The following PAK3 variants were observed in gnomAD, a reference collection of about 807,000 sequenced individuals.
PAK3 encodes the protein serine/threonine-protein kinase PAK 3.
Under a neutral mutation model 41.0 loss-of-function variants are expected in PAK3, and 4 were observed. The ratio of observed to expected loss-of-function variants is 0.10; its 90% CI spans 0.05 to 0.22. PAK3 has a LOEUF of 0.22. PAK3 is among the 10% of genes least tolerant of loss of function. The pLI, the probability that PAK3 is intolerant of heterozygous loss-of-function variation, is 1.00. For missense variants in PAK3, 205 were observed against 409.9 expected, an observed-to-expected ratio of 0.50 and a Z score of 4.32; for synonymous variants, 146 against 139.6, an observed-to-expected ratio of 1.05 and a Z score of -0.32.
At chrX:111,076,755 T>G (rs1485065184) in intron 1 of PAK3, among the ~76,000 whole-genome samples, 2 of 112,126 alleles carry the variant, frequency 1.8e-5, no homozygotes, top group East Asian at 5.6e-4. Flanking sequence ...TTGTTTACAA[T>G]CAAGAACAAG....
chrX:111,160,566 T>C (rs1344080838), intron 8 of PAK3, among the ~76,000 whole-genome samples: 3 of 109,158 alleles, frequency 2.7e-5, no homozygotes, highest in South Asian at 3.9e-4. Context: ...GCTGCACCCA[T>C]TAACTCATCA....
At chrX:110,965,908 C>T (rs1268643981) in intron 1 of PAK3, among the ~76,000 whole-genome samples, 5 of 111,533 alleles carry the variant, frequency 4.5e-5, no homozygotes, top group African/African-American at 3.3e-5. Flanking sequence ...ATTCGCCCAA[C>T]GTCACAAATC....
At chrX:111,099,080 C>T (rs1324040828) in intron 3 of PAK3, among the ~76,000 whole-genome samples, 1 of 111,763 alleles carries the variant, frequency 8.9e-6, no homozygotes. Context: ...GCTTCAGCCT[C>T]GGATCAAATA....
chrX:111,160,927 C>T (rs1428709295), intron 8 of PAK3, among the ~76,000 whole-genome samples: 2 of 111,557 alleles, frequency 1.8e-5, no homozygotes, highest in South Asian at 3.8e-4. Flanking sequence ...AATAAACATA[C>T]GTGTGCATGT....
chrX:111,126,175 T>C (rs2093645981), intron 5 of PAK3, among the ~76,000 whole-genome samples: 1 of 111,940 alleles, frequency 8.9e-6, no homozygotes, highest in Non-Finnish European at 1.9e-5. Context: ...TCATCACCTC[T>C]GGAAATCATC....
chrX:111,199,835 A>C (rs1022586356), intron 16 of PAK3, among the ~76,000 whole-genome samples: 1 of 111,811 alleles, frequency 8.9e-6, no homozygotes, highest in Non-Finnish European at 1.9e-5. Flanking sequence ...TAATCCTATC[A>C]TCTTATTTCG....
At chrX:111,064,756 T>A in intron 1 of PAK3, among the ~76,000 whole-genome samples, 2 of 112,620 alleles carry the variant, frequency 1.8e-5, no homozygotes, top group Middle Eastern at 9.2e-3. Flanking sequence ...GTGATGAACA[T>A]ACAAGTGCAT....
intron 1 of PAK3, among the ~76,000 whole-genome samples, chrX:110,992,861 C>T (rs1035831045): frequency 8.9e-6 from 1 of 111,838 alleles, no homozygotes; most frequent in Non-Finnish European, 1.9e-5. Flanking sequence ...TGCATACCTT[C>T]CGCAGGAAAA....
chrX:111,133,967 T>G (rs996321954), intron 5 of PAK3, among the ~76,000 whole-genome samples: 5 of 112,017 alleles, frequency 4.5e-5, no homozygotes, highest in African/African-American at 1.6e-4. Context: ...TTCAAGAAGC[T>G]AGAAAGAGTT....
intron 1 of PAK3, among the ~76,000 whole-genome samples, chrX:111,022,711 A>T (rs1246623645): frequency 9.0e-6 from 1 of 111,431 alleles, no homozygotes; most frequent in Middle Eastern, 4.6e-3. Context: ...AAAATAGATG[A>T]CCTGAATGCT....
intron 1 of PAK3, among the ~76,000 whole-genome samples, chrX:111,050,004 A>T (rs926045159): frequency 8.9e-6 from 1 of 111,978 alleles, no homozygotes; most frequent in Non-Finnish European, 1.9e-5. Context: ...ATGAGAGTTC[A>T]AAGCAATAGG....
At chrX:111,028,284 C>G (rs975920239) in intron 1 of PAK3, among the ~76,000 whole-genome samples, 2 of 108,715 alleles carry the variant, frequency 1.8e-5, no homozygotes, top group Admixed American at 2.0e-4. Flanking sequence ...AGACTAGTCA[C>G]TGGGTAGAGT....
At chrX:110,993,724 A>G (rs1285687128) in intron 1 of PAK3, among the ~76,000 whole-genome samples, 1 of 112,000 alleles carries the variant, frequency 8.9e-6, no homozygotes, top group East Asian at 2.8e-4. Context: ...CTAAGATAGG[A>G]TGTTTTTGTT....
intron 8 of PAK3, among the ~76,000 whole-genome samples, chrX:111,162,549 T>G (rs934503192): frequency 8.9e-6 from 1 of 112,180 alleles, no homozygotes; most frequent in Non-Finnish European, 1.9e-5. Context: ...ATTGATAATC[T>G]GCCCAGTATA....
intron 1 of PAK3, among the ~76,000 whole-genome samples, chrX:111,074,302 T>G (rs2092767852): frequency 1.8e-5 from 2 of 111,449 alleles, no homozygotes; most frequent in Non-Finnish European, 3.8e-5. Context: ...TGGGGGATGA[T>G]CCCTCATGAA....
At chrX:111,193,759 A>G (rs1306220617) in intron 13 of PAK3, among the ~76,000 whole-genome samples, 30 of 103,796 alleles carry the variant, frequency 2.9e-4, no homozygotes, top group Middle Eastern at 4.8e-3. Flanking sequence ...AACAAAAAAC[A>G]AAAAACAAAA....
intron 6 of PAK3, 27 bp downstream of exon 6, chrX:111,142,223 T>A: frequency 1.2e-6 from 1 of 845,307 alleles, no homozygotes; most frequent in Non-Finnish European, 1.8e-6. Flanking sequence ...TTTTGTTTTG[T>A]AAGCCACGAA....
intron 1 of PAK3, among the ~76,000 whole-genome samples, chrX:111,034,685 T>C (rs1164531441): frequency 9.0e-6 from 1 of 111,471 alleles, no homozygotes; most frequent in African/African-American, 3.3e-5. Context: ...TTAGGACTTG[T>C]AGTGTAGGGG....
At chrX:110,945,052 G>A (rs1331917678) in intron 1 of PAK3, among the ~76,000 whole-genome samples, 1 of 112,418 alleles carries the variant, frequency 8.9e-6, no homozygotes, top group African/African-American at 3.2e-5. Context: ...TCCAGCTCCA[G>A]GCTAGGCTGC....
Sources: allele counts gnomAD v4.1 joint callset (sites outside exome capture counted in the v4.1 genomes callset), GRCh38; gene constraint gnomAD v4.1.1; transcripts MANE v1.5; gene names NCBI Gene and HGNC (gene_info 2026-07-23, HGNC 2026-07-21).